Variants in PCSK6 observed in about 807,000 individuals in gnomAD.
The protein encoded by PCSK6 is paired basic amino acid cleaving enzyme 4.
In PCSK6, 85 loss-of-function variants were observed where a neutral mutation model predicts 123.3. The ratio of observed to expected loss-of-function variants is 0.69; its 90% CI spans 0.58 to 0.83. PCSK6 has a LOEUF of 0.83. Ranked by LOEUF, PCSK6 falls within the 40% of genes least tolerant of loss-of-function variation. The pLI is 0.00. For synonymous variants in PCSK6, 508 were observed against 516.0 expected, an observed-to-expected ratio of 0.98 and a Z score of 0.21; for missense variants, 1,191 against 1,282.3, an observed-to-expected ratio of 0.93 and a Z score of 1.09.
At chr15:101,431,502 C>T (rs2056446255) in intron 3 of PCSK6, 39 bp from the exon 4 acceptor site, 1 of 1,612,244 alleles carries the variant, frequency 6.2e-7, no homozygotes, top group Admixed American at 1.7e-5. Flanking sequence ...CCGACATGGA[C>T]ATTCCAGATG....
intron 11 of PCSK6, among the ~76,000 whole-genome samples, chr15:101,378,865 T>C (rs753506958): frequency 1.9e-4 from 29 of 152,240 alleles, no homozygotes; most frequent in Non-Finnish European, 3.4e-4. Context: ...TGGCCTTTTT[T>C]CAAATGACGG....
At chr15:101,479,503 G>A (rs576918879) in intron 1 of PCSK6, among the ~76,000 whole-genome samples, 1 of 152,214 alleles carries the variant, frequency 6.6e-6, no homozygotes. Flanking sequence ...TGAGTGAGCA[G>A]GCCCGGCCTC....
intron 2 of PCSK6, 140 bp from the exon 3 acceptor site, chr15:101,432,240 C>T (rs900390274): frequency 1.4e-6 from 1 of 707,500 alleles, no homozygotes; most frequent in Non-Finnish European, 2.4e-6. Flanking sequence ...TTCCTGGGGA[C>T]ATTTTCACTT....
At chr15:101,406,884 G>A (rs28491325) in intron 6 of PCSK6, among the ~76,000 whole-genome samples, 4,290 of 152,290 alleles carry the variant, frequency 0.028, 194 homozygotes, top group African/African-American at 0.098. Context: ...TGTAGCCAGC[G>A]ACGCTCCTTA....
intron 6 of PCSK6, among the ~76,000 whole-genome samples, chr15:101,420,004 T>C (rs1054390292): frequency 6.6e-6 from 1 of 151,724 alleles, no homozygotes; most frequent in Non-Finnish European, 1.5e-5. Context: ...CTGGCCAACA[T>C]AGTGAAACAC....
Position 101,328,125 on chromosome 15 carries a change from C to G in PCSK6, c.2078-1646G>C, listed in dbSNP as rs764180908. Among the ~76,000 whole-genome samples, 4 of 152,246 alleles carry G rather than the reference C, an allele frequency of 2.6e-5. No individual in the cohort carries two copies. The East Asian group carries it at 7.7e-4, about 29-fold the overall frequency. ...TTTAAATTACCCATTGAGCCCAAAA[C>G]TCCAGCTCAGCCACTGGGCTCTCGC... is the stretch of plus-strand genomic sequence containing the variant. On this transcript the variant is annotated intron_variant, in intron 15 of 21. Coordinates refer to ENST00000611716, the MANE Select transcript of PCSK6 (RefSeq NM_002570.5).
At chr15:101,343,215 G>A (rs955773336) in intron 13 of PCSK6, among the ~76,000 whole-genome samples, 11 of 152,058 alleles carry the variant, frequency 7.2e-5, no homozygotes, top group Middle Eastern at 3.4e-3. Flanking sequence ...ATAATCATGC[G>A]TTTTTCTTTC....
intron 11 of PCSK6, among the ~76,000 whole-genome samples, chr15:101,371,677 A>C (rs1439778613): frequency 5.9e-5 from 9 of 152,244 alleles, no homozygotes; most frequent in Admixed American, 5.2e-4. Flanking sequence ...AGGAGCTGGG[A>C]TTTGGGGCCC....
chr15:101,355,723 A>G (rs7178801), intron 13 of PCSK6, among the ~76,000 whole-genome samples: 63,690 of 152,184 alleles, frequency 0.42, 14,843 homozygotes, highest in African/African-American at 0.62. Context: ...TGCATCCGGC[A>G]TGCCCATGGG....
chr15:101,458,414 G>C (rs1004967101), intron 1 of PCSK6, among the ~76,000 whole-genome samples: 1 of 152,092 alleles, frequency 6.6e-6, no homozygotes, highest in African/African-American at 2.4e-5. Flanking sequence ...AATGTGGCCC[G>C]GGCTATACAC....
chr15:101,461,217 A>G (rs1421639411), intron 1 of PCSK6, among the ~76,000 whole-genome samples: 2 of 152,234 alleles, frequency 1.3e-5, no homozygotes, highest in Non-Finnish European at 2.9e-5. Flanking sequence ...AAAAACAATA[A>G]GGAAACACTA....
intron 1 of PCSK6, among the ~76,000 whole-genome samples, chr15:101,467,078 T>A (rs1171355550): frequency 1.3e-5 from 2 of 151,776 alleles, no homozygotes; most frequent in African/African-American, 4.9e-5. Flanking sequence ...AACTCTCCAG[T>A]TTAATCAGAA....
intron 20 of PCSK6, chr15:101,313,019 TTTAAC>T: frequency 8.5e-7 from 1 of 1,176,260 alleles, no homozygotes; most frequent in South Asian, 1.8e-5. Context: ...AAAATTTTTT[TTTAAC>T]CCAAAACATG....
intron 15 of PCSK6, among the ~76,000 whole-genome samples, chr15:101,330,083 C>G (rs775065851): frequency 6.6e-6 from 1 of 152,226 alleles, no homozygotes. Flanking sequence ...GGCCACCAGA[C>G]GGCTCTGGCC....
Position 101,305,626 on chromosome 15 carries a change from T to C in PCSK6, c.2813-271A>G. The C allele has an allele frequency of 2.7e-6, 1 of 365,110 alleles. No homozygotes were observed. Among genetic ancestry groups the C allele is most frequent in the South Asian group, 3.3e-5 (1 of 30,610 alleles). The allele number at this position is 365,110 out of a possible 1,614,324, so 22.6% of individuals were successfully genotyped here. A position where few individuals can be genotyped will look rare whatever the true frequency, so the allele number is the denominator to read the frequency against. The stretch of plus-strand genomic sequence containing the variant: ...GGGAGGCTAAAGCAGGAGAACCACC[T>C]GAACCCAGGAGGCAGAGGTTGCAGT... On this transcript the variant is annotated intron_variant, in intron 21 of 21. Transcript: ENST00000611716. The surrounding 1 kb of genome is among the most constrained non-coding windows in gnomAD (Gnocchi z 4.8).
intron 1 of PCSK6, among the ~76,000 whole-genome samples, chr15:101,447,736 G>C (rs2056927431): frequency 6.6e-6 from 1 of 152,266 alleles, no homozygotes; most frequent in African/African-American, 2.4e-5. Context: ...TGGACGTCCT[G>C]GGTGGCTGCT....
chr15:101,341,986 C>T (rs527766769), intron 13 of PCSK6, among the ~76,000 whole-genome samples: 295 of 151,910 alleles, frequency 1.9e-3, no homozygotes, highest in Non-Finnish European at 3.2e-3. Flanking sequence ...AAAAATTAGC[C>T]GGGCGCGGTG....
chr15:101,334,191 C>G (rs537982898), intron 13 of PCSK6: 22 of 151,892 alleles, frequency 1.4e-4, no homozygotes, highest in African/African-American at 5.3e-4. Context: ...TTGTTCTCAC[C>G]GCTGCAGCAG....
intron 1 of PCSK6, among the ~76,000 whole-genome samples, chr15:101,448,476 C>T (rs892985172): frequency 5.9e-5 from 9 of 152,262 alleles, no homozygotes; most frequent in African/African-American, 1.9e-4. Flanking sequence ...CCCCCTCCTT[C>T]ACCTGTCCCC....
Sources: gnomAD v4.1 joint callset for allele counts (sites outside exome capture counted in the v4.1 genomes callset) on GRCh38, gnomAD v4.1.1 for gene constraint, Gnocchi (gnomAD v3.1) non-coding constraint, MANE v1.5 for transcripts, NCBI Gene and HGNC (gene_info 2026-07-23, HGNC 2026-07-21) for gene names.